Variants in SLC44A5 observed in about 807,000 individuals in gnomAD.
The protein encoded by SLC44A5 is solute carrier family 44 member 5, also known as choline transporter-like protein 5.
In SLC44A5, 57 loss-of-function variants were observed where a neutral mutation model predicts 101.8. The ratio of observed to expected loss-of-function variants is 0.56; its 90% CI spans 0.45 to 0.70. The LOEUF (loss-of-function observed/expected upper bound fraction) is 0.70, where lower values mean the gene tolerates loss of function less well. Among genes scored for constraint, SLC44A5 ranks in the 30% least tolerant of loss-of-function variants. SLC44A5 has a pLI of 0.00. For synonymous variants in SLC44A5, 281 were observed against 290.9 expected (o/e 0.97, Z 0.35); for missense variants, 737 against 853.1 (o/e 0.86, Z 1.70).
At chr1:75,713,806 T>A in the SLC44A5 span, among the ~76,000 whole-genome samples, 1 of 152,108 alleles carries the variant, frequency 6.6e-6, no homozygotes, top group Non-Finnish European at 1.5e-5. Context: ...AAGCCCTAGG[T>A]CTGGGGAAAA....
At chr1:75,640,193 T>C in the SLC44A5 span, among the ~76,000 whole-genome samples, 4 of 152,040 alleles carry the variant, frequency 2.6e-5, no homozygotes, top group African/African-American at 9.7e-5. Flanking sequence ...TTTGTAGTCA[T>C]CCCTGTATTC....
the SLC44A5 span, among the ~76,000 whole-genome samples, chr1:75,695,766 TAAATA>T: frequency 6.7e-6 from 1 of 148,218 alleles, no homozygotes; most frequent in African/African-American, 2.4e-5. Context: ...AATTTATATA[TAAATA>T]AAATAGTATT....
upstream of SLC44A5, among the ~76,000 whole-genome samples, chr1:75,614,837 G>A (rs1675796558): frequency 6.6e-6 from 1 of 152,054 alleles, no homozygotes; most frequent in Non-Finnish European, 1.5e-5. Context: ...TCCTCACCGC[G>A]CATGGTGTCG....
intron 2 of SLC44A5, among the ~76,000 whole-genome samples, chr1:75,396,910 T>C (rs1461893379): frequency 6.6e-6 from 1 of 152,186 alleles, no homozygotes; most frequent in African/African-American, 2.4e-5. Context: ...ATGACTTGTA[T>C]AATGTAGGTG....
intron 1 of SLC44A5, among the ~76,000 whole-genome samples, chr1:75,565,264 G>A (rs1033913728): frequency 4.6e-5 from 7 of 152,196 alleles, no homozygotes; most frequent in South Asian, 4.2e-4. Flanking sequence ...AAAAGCATTC[G>A]CCTTATTGGA....
intron 1 of SLC44A5, among the ~76,000 whole-genome samples, chr1:75,608,838 A>C (rs936919959): frequency 6.4e-4 from 97 of 151,946 alleles, no homozygotes; most frequent in Non-Finnish European, 2.5e-4. Context: ...TAATACTTGC[A>C]GCTGGCCCAC....
chr1:75,265,435 G>C (rs1449889417), intron 6 of SLC44A5, among the ~76,000 whole-genome samples: 1 of 152,114 alleles, frequency 6.6e-6, no homozygotes, highest in East Asian at 1.9e-4. Context: ...GCTGGTTAAT[G>C]GGTTAATGGT....
intron 1 of SLC44A5, among the ~76,000 whole-genome samples, chr1:75,566,034 GCTAT>G (rs1672768224): frequency 6.6e-6 from 1 of 152,086 alleles, no homozygotes; most frequent in Non-Finnish European, 1.5e-5. Context: ...TTCACTTCAG[GCTAT>G]CTGTTTATAA....
At chr1:75,634,108 C>T in the SLC44A5 span, among the ~76,000 whole-genome samples, 2 of 152,144 alleles carry the variant, frequency 1.3e-5, no homozygotes, top group African/African-American at 4.8e-5. Context: ...TGATGTGCTG[C>T]TGGATTCGCT....
chr1:75,293,411 T>C (rs74636571), intron 5 of SLC44A5, among the ~76,000 whole-genome samples: 8,830 of 152,270 alleles, frequency 0.058, 299 homozygotes, highest in Middle Eastern at 0.13. Flanking sequence ...CATATCTGTT[T>C]GGGGCAGGGG....
intron 7 of SLC44A5, among the ~76,000 whole-genome samples, chr1:75,248,933 A>C (rs1649340270): frequency 6.6e-6 from 1 of 152,130 alleles, no homozygotes; most frequent in South Asian, 2.1e-4. Context: ...AGAGAGATGC[A>C]AACCTGAGGG....
chr1:75,346,275 A>T (rs981227873), intron 3 of SLC44A5, among the ~76,000 whole-genome samples: 1 of 152,144 alleles, frequency 6.6e-6, no homozygotes, highest in African/African-American at 2.4e-5. Context: ...TCTACCAAGA[A>T]TGTCAAATCT....
chr1:75,383,996 A>T (rs1661104881), intron 3 of SLC44A5, among the ~76,000 whole-genome samples: 1 of 151,592 alleles, frequency 6.6e-6, no homozygotes. Context: ...CTTTACAGAC[A>T]AGCAAATGCT....
the SLC44A5 span, among the ~76,000 whole-genome samples, chr1:75,714,352 A>G: frequency 6.6e-6 from 1 of 152,142 alleles, no homozygotes; most frequent in African/African-American, 2.4e-5. Flanking sequence ...AAAACCCTCA[A>G]CTAACTAGGT....
At chr1:75,290,565 G>A (rs149117790) in intron 5 of SLC44A5, among the ~76,000 whole-genome samples, 1 of 152,226 alleles carries the variant, frequency 6.6e-6, no homozygotes, top group Non-Finnish European at 1.5e-5. Flanking sequence ...TTAGAGAGGT[G>A]TAGCCAAACT....
chr1:75,398,498 A>C (rs2101415097), intron 2 of SLC44A5: 1 of 559,872 alleles, frequency 1.8e-6, no homozygotes, highest in Admixed American at 6.3e-5. Flanking sequence ...TCCTCTTAAC[A>C]ACCATACACT....
At chr1:75,651,187 ATT>A in the SLC44A5 span, among the ~76,000 whole-genome samples, 3 of 152,174 alleles carry the variant, frequency 2.0e-5, no homozygotes, top group Non-Finnish European at 4.4e-5. Context: ...TGACTTGGGT[ATT>A]CCTAACTATG....
rs984829503 is a variant in SLC44A5, at chr1:75,471,151, G to A, written c.13+70284C>T. Reference sequence around the variant, plus strand: ...ATCTATTTTTTAACCTTTTTTTTACGGCCTGGCTGTGTTTCTTTGGAGTTT... The same window carrying A: ...ATCTATTTTTTAACCTTTTTTTTACAGCCTGGCTGTGTTTCTTTGGAGTTT... On this transcript the variant is annotated intron_variant, in intron 2 of 23. Transcript: ENST00000370859. Among the ~76,000 whole-genome samples the A allele has an allele frequency of 4.6e-5, 7 of 151,160 alleles. No homozygotes were observed. The South Asian group carries it at 6.3e-4, about 14-fold the overall frequency.
intron 4 of SLC44A5, among the ~76,000 whole-genome samples, chr1:75,320,857 G>C (rs1656085954): frequency 6.6e-6 from 1 of 152,084 alleles, no homozygotes; most frequent in Admixed American, 6.6e-5. Context: ...AAGCCCTTAA[G>C]AGCCTTCTGG....
Sources: allele counts gnomAD v4.1 joint callset (sites outside exome capture counted in the v4.1 genomes callset), GRCh38; gene constraint gnomAD v4.1.1; transcripts MANE v1.5; gene names NCBI Gene and HGNC (gene_info 2026-07-23, HGNC 2026-07-21).